ADGB: variants seen among roughly 807,000 people sequenced by gnomAD.
The protein encoded by ADGB is androglobin.
In ADGB, 172 loss-of-function variants were observed where a neutral mutation model predicts 210.5. The ratio of observed to expected loss-of-function variants is 0.82; its 90% confidence interval spans 0.72 to 0.93. The LOEUF is 0.93. Among genes scored for constraint, ADGB ranks in the 40% least tolerant of loss-of-function variants. ADGB has a pLI of 0.00. For synonymous variants in ADGB, 658 were observed against 662.7 expected (o/e 0.99, Z 0.11); for missense variants, 2,025 against 1,964.8 (o/e 1.03, Z -0.58).
Position 146,654,134 on chromosome 6 carries a change from G to A in ADGB, c.331-1G>A. 1 of 1,515,620 alleles carries A rather than the reference G, an allele frequency of 6.6e-7. No homozygotes were observed. Among genetic ancestry groups the A allele is most frequent in the Non-Finnish European group, 8.9e-7 (1 of 1,119,152 alleles). 93.9% of individuals were successfully genotyped at this position (1,515,620 alleles called of 1,614,324 possible). A position where few individuals can be genotyped will look rare whatever the true frequency, so the allele number is the denominator to read the frequency against. On this transcript the variant is annotated splice_acceptor_variant, in intron 3 of 35. Coordinates refer to ENST00000397944, the MANE Select transcript of ADGB (RefSeq NM_024694.4). LOFTEE classifies it high-confidence loss of function. The stretch of plus-strand genomic sequence containing the variant: ...AATATATACATATATATTTTTTTCA[G>A]ACTCCAGTAGTTGTGAAAAATGAAA...
Position 146,664,354 on chromosome 6 carries a change from C to T in ADGB, c.752+14C>T. 6.5e-7 allele frequency: 1 copy of T among 1,534,284 alleles called. No homozygotes were observed. The stretch of plus-strand genomic sequence containing the variant: ...GGCAAATATTGAGTATGTAATGACA[C>T]TATCACTCACATGAATAAAAAAAGC... On this transcript the variant is annotated intron_variant, in intron 6 of 35. Transcript: ENST00000397944.
intron 1 of ADGB, among the ~76,000 whole-genome samples, chr6:146,626,351 G>A (rs1056819279): frequency 5.9e-5 from 9 of 151,754 alleles, no homozygotes; most frequent in Non-Finnish European, 8.8e-5. Flanking sequence ...TATTTACTAC[G>A]TAAAATTATC....
At chr6:146,808,969 C>A (rs573254208) in intron 35 of ADGB, among the ~76,000 whole-genome samples, 1 of 151,954 alleles carries the variant, frequency 6.6e-6, no homozygotes, top group Non-Finnish European at 1.5e-5. Context: ...CCGCGAAGGC[C>A]TCGAGCTGTG....
intron 13 of ADGB, among the ~76,000 whole-genome samples, chr6:146,704,884 G>A (rs940089281): frequency 2.0e-5 from 3 of 152,084 alleles, no homozygotes; most frequent in Non-Finnish European, 4.4e-5. Context: ...TCATCAGAAT[G>A]TTGATAGATT....
chr6:146,654,077 A>T, intron 3 of ADGB, 58 bp from the exon 4 acceptor site: 1 of 1,186,092 alleles, frequency 8.4e-7, no homozygotes. Flanking sequence ...CTATTTCATT[A>T]AATTACTTTT....
At chr6:146,633,792 C>T (rs1173828108) in intron 1 of ADGB, among the ~76,000 whole-genome samples, 4 of 152,056 alleles carry the variant, frequency 2.6e-5, no homozygotes, top group African/African-American at 7.2e-5. Context: ...AATCACACAC[C>T]TCATAACAAC....
In ADGB at chr6:146,752,525, TACAGG is replaced by T; in HGVS notation, c.3366-4_3366del. On this transcript the variant is annotated splice_acceptor_variant and splice_polypyrimidine_tract_variant and coding_sequence_variant and intron_variant, in exon 27 of 36. Coordinates refer to ENST00000397944, the MANE Select transcript of ADGB (RefSeq NM_024694.4). LOFTEE classifies it high-confidence loss of function. Reference sequence around the variant, plus strand: ...GCTTATAATGTTAACTTTTTTTCTTTACAGGTATTCGGTTAAAGTTCTAACACCAC... The same window carrying T: ...GCTTATAATGTTAACTTTTTTTCTTTTATTCGGTTAAAGTTCTAACACCAC... 1.3e-6 allele frequency: 2 copies of T among 1,534,394 alleles called. No individual in the cohort carries two copies. The highest frequency in any genetic ancestry group is 1.8e-6 in the Non-Finnish European group (2 of 1,139,766).
intron 1 of ADGB, among the ~76,000 whole-genome samples, chr6:146,611,746 G>A (rs1422751545): frequency 6.6e-6 from 1 of 151,942 alleles, no homozygotes; most frequent in Non-Finnish European, 1.5e-5. Flanking sequence ...TGGTCTCTTG[G>A]GCAAACCTTT....
At chr6:146,663,039 T>C (rs1480837485) in intron 5 of ADGB, among the ~76,000 whole-genome samples, 1 of 144,136 alleles carries the variant, frequency 6.9e-6, no homozygotes, top group East Asian at 2.0e-4. Context: ...ATAATCTTAA[T>C]AATATAGATC....
intron 1 of ADGB, among the ~76,000 whole-genome samples, chr6:146,629,375 G>T (rs920930821): frequency 6.6e-6 from 1 of 152,154 alleles, no homozygotes; most frequent in Admixed American, 6.5e-5. Flanking sequence ...CACTGTAGGT[G>T]ATCTATTGGG....
chr6:146,733,831 T>C, intron 21 of ADGB, 62 bp from the exon 22 acceptor site: 1 of 1,541,432 alleles, frequency 6.5e-7, no homozygotes, highest in South Asian at 1.2e-5. Flanking sequence ...GCTGAAGGCG[T>C]TGAAACTTAG....
intron 35 of ADGB, among the ~76,000 whole-genome samples, chr6:146,813,726 T>A (rs779179983): frequency 6.6e-6 from 1 of 152,304 alleles, no homozygotes; most frequent in Non-Finnish European, 1.5e-5. Context: ...TTAGATTAGA[T>A]TACAAAACAA....
In ADGB at chr6:146,736,579, T is replaced by C; in HGVS notation, c.2876T>C (p.Val959Ala). ...GAAATGAATTTAGAACAGTATGCAG[T>C]TTCTCTCTTAAGGTAAAGCAGTCAA... ...VLEMNLEQYAVSLLRLMFKSK... is the reference protein window; with the variant it reads ...VLEMNLEQYAASLLRLMFKSK... The change falls in exon 23 of 36, where the codon GTT becomes GCT. Residue 959 changes from valine to alanine, a missense_variant. Transcript: ENST00000397944. 1.3e-6 allele frequency: 2 copies of C among 1,547,002 alleles called. No homozygotes were observed. The highest frequency in any genetic ancestry group is 1.7e-6 in the Non-Finnish European group (2 of 1,144,146).
At chr6:146,693,581 G>GA (rs1326690562) in intron 12 of ADGB, among the ~76,000 whole-genome samples, 1 of 152,172 alleles carries the variant, frequency 6.6e-6, no homozygotes, top group East Asian at 1.9e-4. Flanking sequence ...CAGAGAAGTA[G>GA]GGTGCAGCTG....
At position 146,807,446 on chromosome 6, in the gene ADGB, A is replaced by G. The variant is rs202183015; in HGVS notation, c.4818+5435A>G. 44 of 1,551,248 alleles carry G rather than the reference A, an allele frequency of 2.8e-5. No homozygotes were observed. In the African/African-American group the frequency reaches 5.1e-4, roughly 18 times the overall value. On this transcript the variant is annotated intron_variant, in intron 35 of 35. Coordinates refer to ENST00000397944, the MANE Select transcript of ADGB (RefSeq NM_024694.4). ...GACAGAAAATTTTCGACATCCGGGAAGAGTACAGAAACAAATTGCTGGAAG... is the reference window on the plus strand; with the variant it reads ...GACAGAAAATTTTCGACATCCGGGAGGAGTACAGAAACAAATTGCTGGAAG...
chr6:146,611,685 T>C (rs1481140152), intron 1 of ADGB, among the ~76,000 whole-genome samples: 1 of 152,120 alleles, frequency 6.6e-6, no homozygotes, highest in East Asian at 1.9e-4. Context: ...CCATCTCCTC[T>C]CAGCGCCCTC....
At chr6:146,710,705 A>T (rs1395813938) in intron 13 of ADGB, among the ~76,000 whole-genome samples, 1 of 152,116 alleles carries the variant, frequency 6.6e-6, no homozygotes, top group African/African-American at 2.4e-5. Context: ...TAAAAAAAAA[A>T]TTTAAATTAT....
chr6:146,783,991 A>G (rs1182144873), intron 30 of ADGB, among the ~76,000 whole-genome samples: 2 of 152,226 alleles, frequency 1.3e-5, no homozygotes, highest in Non-Finnish European at 2.9e-5. Context: ...CATAATTACA[A>G]TTTATAATTT....
At chr6:146,715,289 TA>T in intron 13 of ADGB, 92 bp from the exon 14 acceptor site, 3 of 1,118,516 alleles carry the variant, frequency 2.7e-6, no homozygotes, top group South Asian at 1.5e-5. Context: ...CTTCAAAGTT[TA>T]AAAAAACTAT....
Sources: gnomAD v4.1 joint callset for allele counts (sites outside exome capture counted in the v4.1 genomes callset) on GRCh38, gnomAD v4.1.1 for gene constraint, MANE v1.5 for transcripts, NCBI Gene and HGNC (gene_info 2026-07-23, HGNC 2026-07-21) for gene names.